Variants in HCN4 observed in about 807,000 individuals in gnomAD.
HCN4 encodes the protein hyperpolarization activated cyclic nucleotide gated potassium channel 4.
HCN4 carries 29 observed loss-of-function variants against 76.9 expected under a neutral mutation model. The ratio of observed to expected loss-of-function variants is 0.38; its 90% CI spans 0.28 to 0.51. The LOEUF (loss-of-function observed/expected upper bound fraction) is 0.51. Ranked by LOEUF, HCN4 falls within the 20% of genes least tolerant of loss-of-function variation. The pLI, the probability that HCN4 is intolerant of heterozygous loss-of-function variation, is 0.90. For synonymous variants in HCN4, 772 were observed against 762.5 expected (o/e 1.01, Z -0.21); for missense variants, 1,416 against 1,715.2 (o/e 0.83, Z 3.08).
chr15:73,350,942 C>G (rs529309884), intron 1 of HCN4, among the ~76,000 whole-genome samples: 13 of 152,312 alleles, frequency 8.5e-5, no homozygotes, highest in African/African-American at 3.1e-4. Context: ...TCGTGCCCCT[C>G]ACCCAGCGCT....
At chr15:73,351,257 C>T (rs941444245) in intron 1 of HCN4, among the ~76,000 whole-genome samples, 3 of 152,126 alleles carry the variant, frequency 2.0e-5, no homozygotes, top group Non-Finnish European at 4.4e-5. Context: ...CCTTGGGGCC[C>T]TCATCTCTTC....
rs143896617 is a variant in HCN4, at chr15:73,343,848, G to A, written c.786-40C>T. ...AGGGGTCAGTCGCCAGGAAGAGAGAGAGGACAAGTTACAGACTAAGGGAGG... is the reference window on the plus strand; with the variant it reads ...AGGGGTCAGTCGCCAGGAAGAGAGAAAGGACAAGTTACAGACTAAGGGAGG... On this transcript the variant is annotated intron_variant, in intron 1 of 7. Transcript: ENST00000261917. The surrounding 1 kb of genome is among the most constrained non-coding windows in gnomAD (Gnocchi z 5.7). The A allele has an allele frequency of 6.5e-5, 104 of 1,603,970 alleles. No homozygotes were observed. The African/African-American group carries it at 1.3e-3, about 20-fold the overall frequency.
At chr15:73,326,627 G>A (rs1324450865) in intron 4 of HCN4, among the ~76,000 whole-genome samples, 2 of 152,100 alleles carry the variant, frequency 1.3e-5, no homozygotes, top group African/African-American at 4.8e-5. Context: ...TGGAGAGGAG[G>A]GAAGACATTT....
intron 1 of HCN4, among the ~76,000 whole-genome samples, chr15:73,351,118 T>A (rs1436805571): frequency 6.6e-6 from 1 of 152,180 alleles, no homozygotes; most frequent in Non-Finnish European, 1.5e-5. Context: ...CATTCTTACC[T>A]GCAGACAGTC....
intron 1 of HCN4, among the ~76,000 whole-genome samples, chr15:73,360,528 G>C (rs902614505): frequency 1.3e-5 from 2 of 152,114 alleles, no homozygotes; most frequent in Admixed American, 6.5e-5. Flanking sequence ...ATGTTTTCTT[G>C]AACTACTTGT....
chr15:73,364,416 A>G (rs1343714294), intron 1 of HCN4, among the ~76,000 whole-genome samples: 2 of 152,180 alleles, frequency 1.3e-5, no homozygotes, highest in Non-Finnish European at 2.9e-5. Flanking sequence ...CCTCTTAGAA[A>G]AACAAGATTA....
chr15:73,330,076 G>A (rs2042923981), intron 3 of HCN4, among the ~76,000 whole-genome samples: 1 of 152,054 alleles, frequency 6.6e-6, no homozygotes, highest in Non-Finnish European at 1.5e-5. Flanking sequence ...GCAGCTTGGA[G>A]CCTCCTGGCT....
chr15:73,336,251 G>T (rs559207961), intron 2 of HCN4, among the ~76,000 whole-genome samples: 1 of 152,124 alleles, frequency 6.6e-6, no homozygotes, highest in African/African-American at 2.4e-5. Context: ...GAATTCTGCT[G>T]AAAGTTTCTT....
At chr15:73,357,703 G>A (rs1235472263) in intron 1 of HCN4, among the ~76,000 whole-genome samples, 2 of 148,410 alleles carry the variant, frequency 1.3e-5, no homozygotes, top group African/African-American at 5.3e-5. Flanking sequence ...CCTAATGGAG[G>A]GAGGGCCTTC....
At chr15:73,329,518 C>T in intron 4 of HCN4, 55 bp downstream of exon 4, 4 of 1,560,508 alleles carry the variant, frequency 2.6e-6, no homozygotes, top group Non-Finnish European at 1.8e-6. Flanking sequence ...TGGCTGGTGG[C>T]CTGTGCTCCC....
intron 2 of HCN4, among the ~76,000 whole-genome samples, chr15:73,341,569 A>G (rs901964274): frequency 1.3e-5 from 2 of 152,178 alleles, no homozygotes; most frequent in African/African-American, 2.4e-5. Context: ...AGTGGACCCA[A>G]AGCTACATGC....
Position 73,367,901 on chromosome 15 carries a change from C to A in HCN4, c.370G>T (p.Asp124Tyr). Reference protein sequence around the residue: ...GSGSSHGHLHDSAEERRLIAE... With the variant: ...GSGSSHGHLHYSAEERRLIAE... ...ATGAGCCGCCGCTCCTCCGCGGAGTCATGCAGGTGTCCGTGACTGCTGCCG... is the reference window on the plus strand; with the variant it reads ...ATGAGCCGCCGCTCCTCCGCGGAGTAATGCAGGTGTCCGTGACTGCTGCCG... The change falls in exon 1 of 8, where the codon GAC becomes TAC. Residue 124 changes from aspartate to tyrosine, a missense_variant. By Grantham distance (160) the Asp-to-Tyr change is radical. Around this residue, in one of 6 missense-constraint regions of HCN4, gnomAD observed 355 missense variants for 347.8 expected, o/e 1.02. Coordinates refer to ENST00000261917, the MANE Select transcript of HCN4 (RefSeq NM_005477.3). The surrounding 1 kb of genome is among the most constrained non-coding windows in gnomAD (Gnocchi z 7.5). 7.2e-7 allele frequency: 1 copy of A among 1,386,228 alleles called. No homozygotes were observed. Among genetic ancestry groups the A allele is most frequent in the Non-Finnish European group, 9.4e-7 (1 of 1,069,400 alleles). 85.9% of individuals were successfully genotyped at this position (1,386,228 alleles called of 1,614,324 possible).
In HCN4 at chr15:73,325,055, G is replaced by T; in HGVS notation, c.1878C>A (p.Gly626=). Reference sequence around the variant, plus strand: ...TGAAGTACATCTTCTTGCCAATGGTGCCTTCCCGGATGATGTAGTCCCCAG... The same window carrying T: ...TGAAGTACATCTTCTTGCCAATGGTTCCTTCCCGGATGATGTAGTCCCCAG... ...FQPGDYIIRE[G]TIGKKMYFIQ... The change falls in exon 6 of 8, where the codon GGC becomes GGA. Residue 626 remains glycine (G), a synonymous_variant. Transcript: ENST00000261917. The surrounding 1 kb of genome is among the most constrained non-coding windows in gnomAD (Gnocchi z 7.4). The T allele has an allele frequency of 6.2e-7, 1 of 1,614,248 alleles. No individual in the cohort carries two copies. The highest frequency in any genetic ancestry group is 2.2e-5 in the East Asian group (1 of 44,874).
chr15:73,347,489 GCTGT>G (rs1036186568), intron 1 of HCN4, among the ~76,000 whole-genome samples: 4 of 152,196 alleles, frequency 2.6e-5, no homozygotes, highest in Non-Finnish European at 5.9e-5. Context: ...TGATGCTAGG[GCTGT>G]CTGAGGTAGA....
intron 2 of HCN4, among the ~76,000 whole-genome samples, chr15:73,342,822 A>G (rs1469822319): frequency 1.3e-5 from 2 of 152,256 alleles, no homozygotes; most frequent in Non-Finnish European, 1.5e-5. Flanking sequence ...CTATAGATCT[A>G]GCAACCCTGG....
intron 1 of HCN4, among the ~76,000 whole-genome samples, chr15:73,350,868 C>G (rs1245057726): frequency 3.9e-5 from 6 of 152,116 alleles, no homozygotes; most frequent in African/African-American, 1.4e-4. Flanking sequence ...CTCCCTGAAC[C>G]CCTGCTGTCT....
At chr15:73,335,910 C>A (rs1344666567) in intron 2 of HCN4, among the ~76,000 whole-genome samples, 1 of 152,164 alleles carries the variant, frequency 6.6e-6, no homozygotes. Context: ...TATGCCATGT[C>A]CCCTGGAAGT....
At chr15:73,349,052 C>T (rs1440416909) in intron 1 of HCN4, among the ~76,000 whole-genome samples, 1 of 148,232 alleles carries the variant, frequency 6.7e-6, no homozygotes, top group Non-Finnish European at 1.5e-5. Context: ...CCTACAGCAA[C>T]ACCCCCAGCA....
chr15:73,355,655 G>A (rs1264963951), intron 1 of HCN4, among the ~76,000 whole-genome samples: 1 of 152,180 alleles, frequency 6.6e-6, no homozygotes, highest in South Asian at 2.1e-4. Flanking sequence ...CTGGGCAAAA[G>A]AAACACTTTG....
Sources: allele counts gnomAD v4.1 joint callset (sites outside exome capture counted in the v4.1 genomes callset), GRCh38; gene constraint gnomAD v4.1.1; regional missense constraint gnomAD v4.1.1; non-coding constraint Gnocchi (gnomAD v3.1); transcripts MANE v1.5; gene names NCBI Gene and HGNC (gene_info 2026-07-23, HGNC 2026-07-21).